Variants in RASAL2 observed in about 807,000 individuals in gnomAD.
RASAL2 encodes ras GTPase-activating protein nGAP.
Under a neutral mutation model 128.9 loss-of-function variants are expected in RASAL2, and 58 were observed. The observed-to-expected ratio is 0.45, with a 90% CI of 0.36 to 0.56. RASAL2 has a LOEUF of 0.56. RASAL2 is among the 20% of genes least tolerant of loss of function. The pLI is 0.00. For synonymous variants in RASAL2, 561 were observed against 580.8 expected, an observed-to-expected ratio of 0.97 and a Z score of 0.49; for missense variants, 1,360 against 1,601.6, an observed-to-expected ratio of 0.85 and a Z score of 2.57.
chr1:178,198,031 A>C (rs940038956), intron 1 of RASAL2, among the ~76,000 whole-genome samples: 2 of 152,180 alleles, frequency 1.3e-5, no homozygotes, highest in African/African-American at 4.8e-5. Flanking sequence ...ACATGAACTC[A>C]TCCTTTTTTG....
At chr1:178,308,286 A>C (rs1293664231) in intron 3 of RASAL2, among the ~76,000 whole-genome samples, 1 of 152,102 alleles carries the variant, frequency 6.6e-6, no homozygotes, top group Non-Finnish European at 1.5e-5. Context: ...CTAGCTATCT[A>C]AAATTTTTAT....
chr1:178,465,879 A>C lies in RASAL2; in HGVS notation c.3388-41A>C, dbSNP rs532511779. Reference sequence around the variant, plus strand: ...AGTAAATCACTGATTTCTAAAAGCAATGTGACTCTAGTTTTTGTCTCCTTG... The same window carrying C: ...AGTAAATCACTGATTTCTAAAAGCACTGTGACTCTAGTTTTTGTCTCCTTG... On this transcript the variant is annotated intron_variant, in intron 15 of 17. Transcript: ENST00000367649. 38 of 1,379,944 alleles carry C rather than the reference A, an allele frequency of 2.8e-5. No individual in the cohort carries two copies. In the South Asian group the frequency reaches 3.9e-4, roughly 14 times the overall value. 85.5% of individuals were successfully genotyped at this position (1,379,944 alleles called of 1,614,324 possible).
chr1:178,285,103 C>CTTTTTTTTTTT (rs58901015), intron 2 of RASAL2, among the ~76,000 whole-genome samples: 5 of 81,954 alleles, frequency 6.1e-5, no homozygotes, highest in African/African-American at 1.8e-4. Flanking sequence ...TTGCTACTTT[C>CTTTTTTTTTTT]TTTTTTTTTT....
intron 1 of RASAL2, among the ~76,000 whole-genome samples, chr1:178,124,113 C>G (rs1659809150): frequency 1.3e-5 from 2 of 152,114 alleles, no homozygotes; most frequent in Non-Finnish European, 2.9e-5. Flanking sequence ...GAGACATTTC[C>G]TAGGGACTCA....
chr1:178,129,100 C>A (rs1312956234), intron 1 of RASAL2, among the ~76,000 whole-genome samples: 3 of 151,994 alleles, frequency 2.0e-5, no homozygotes, highest in Non-Finnish European at 2.9e-5. Flanking sequence ...TTGGCATATA[C>A]CTAGGACTGG....
chr1:178,420,940 T>C (rs531315593), intron 5 of RASAL2, among the ~76,000 whole-genome samples: 1 of 152,318 alleles, frequency 6.6e-6, no homozygotes, highest in African/African-American at 2.4e-5. Flanking sequence ...CTATAAAGAA[T>C]AATGATTATG....
At chr1:178,228,231 T>C (rs1663863609) in intron 1 of RASAL2, among the ~76,000 whole-genome samples, 1 of 152,196 alleles carries the variant, frequency 6.6e-6, no homozygotes, top group African/African-American at 2.4e-5. Context: ...ATTTTGTTTC[T>C]GTTATTTAAT....
At position 178,269,860 on chromosome 1, in the gene RASAL2, C is replaced by T. The variant is rs887006779; in HGVS notation, c.203-13704C>T. 2.6e-5 allele frequency among the ~76,000 whole-genome samples: 4 copies of T among 152,236 alleles called. No individual in the cohort carries two copies. In the East Asian group the frequency reaches 7.7e-4, roughly 29 times the overall value. ...CTTTCATTTTGCACTGCGGACTCGC[C>T]CTGAATTCTTTATTGCGTGAGATCC... On this transcript the variant is annotated intron_variant, in intron 1 of 17. Transcript: ENST00000367649.
chr1:178,120,574 A>G (rs977440323), intron 1 of RASAL2, among the ~76,000 whole-genome samples: 3 of 152,236 alleles, frequency 2.0e-5, no homozygotes, highest in African/African-American at 4.8e-5. Context: ...CACTGTCACT[A>G]TAAAGCCTGC....
At chr1:178,461,745 GTGGATTAATTTA>G (rs1678213848) in intron 14 of RASAL2, among the ~76,000 whole-genome samples, 1 of 152,188 alleles carries the variant, frequency 6.6e-6, no homozygotes, top group African/African-American at 2.4e-5. Context: ...CCCAAAGTTT[GTGGATTAATTTA>G]TTCGGCCCTT....
intron 1 of RASAL2, among the ~76,000 whole-genome samples, chr1:178,180,200 T>G (rs1271246471): frequency 6.6e-6 from 1 of 152,116 alleles, no homozygotes; most frequent in Admixed American, 6.6e-5. Flanking sequence ...ACTGAAATGT[T>G]TTGAGTTATC....
intron 1 of RASAL2, among the ~76,000 whole-genome samples, chr1:178,164,454 A>G (rs2101900128): frequency 6.6e-6 from 1 of 151,884 alleles, no homozygotes; most frequent in East Asian, 1.9e-4. Context: ...TAAGCATCTC[A>G]GCAAGAATTA....
Position 178,179,876 on chromosome 1 carries a change from G to T in RASAL2, c.202+85182G>T, listed in dbSNP as rs185283527. On this transcript the variant is annotated intron_variant, in intron 1 of 17. Transcript: ENST00000367649. ...AATCTAGATAATAAATAACAATCTT[G>T]TTCGTACGAAATAGAAAATAACCAT... 2.6e-3 allele frequency among the ~76,000 whole-genome samples: 401 copies of T among 152,186 alleles called. 1 individual carries two copies. The highest frequency in any genetic ancestry group is 4.4e-3 in the Non-Finnish European group (296 of 67,996).
intron 1 of RASAL2, among the ~76,000 whole-genome samples, chr1:178,250,149 G>A (rs192020377): frequency 6.6e-6 from 1 of 152,186 alleles, no homozygotes; most frequent in Non-Finnish European, 1.5e-5. Flanking sequence ...AAGCTGGAAC[G>A]TTTATGTCTG....
intron 5 of RASAL2, among the ~76,000 whole-genome samples, chr1:178,437,308 A>T (rs997929243): frequency 6.6e-6 from 1 of 152,102 alleles, no homozygotes; most frequent in Non-Finnish European, 1.5e-5. Context: ...TTTATCAGTA[A>T]CCAAAGGCAA....
intron 1 of RASAL2, among the ~76,000 whole-genome samples, chr1:178,257,860 A>G (rs1361403390): frequency 2.6e-5 from 4 of 151,674 alleles, no homozygotes; most frequent in Non-Finnish European, 5.9e-5. Flanking sequence ...AAAAAAAAAA[A>G]AAGAATTGAT....
Position 178,467,324 on chromosome 1 carries a change from C to T in RASAL2, c.3591-10C>T. The T allele has an allele frequency of 6.2e-7, 1 of 1,611,898 alleles. No individual in the cohort carries two copies. The highest frequency in any genetic ancestry group is 1.1e-5 in the South Asian group (1 of 91,018). ...GAAGATGTTGATATTTCCTTCCTGCCACATTCTAGGCTAATGGCTGTGGAA... is the reference window on the plus strand; with the variant it reads ...GAAGATGTTGATATTTCCTTCCTGCTACATTCTAGGCTAATGGCTGTGGAA... On this transcript the variant is annotated splice_polypyrimidine_tract_variant and intron_variant, in intron 16 of 17. Coordinates refer to ENST00000367649, the MANE Select transcript of RASAL2 (RefSeq NM_170692.4).
chr1:178,287,561 A>C (rs1369481447), intron 2 of RASAL2, among the ~76,000 whole-genome samples: 1 of 152,206 alleles, frequency 6.6e-6, no homozygotes, highest in Non-Finnish European at 1.5e-5. Flanking sequence ...CAGCAGCACA[A>C]TTCGCAATTG....
At chr1:178,351,470 G>A (rs1410815284) in intron 3 of RASAL2, among the ~76,000 whole-genome samples, 3 of 152,130 alleles carry the variant, frequency 2.0e-5, no homozygotes, top group Non-Finnish European at 4.4e-5. Context: ...ATAGGCATTG[G>A]GCTGTAATCC....
Sources: allele counts gnomAD v4.1 joint callset (sites outside exome capture counted in the v4.1 genomes callset), GRCh38; gene constraint gnomAD v4.1.1; transcripts MANE v1.5; gene names NCBI Gene and HGNC (gene_info 2026-07-23, HGNC 2026-07-21).